Variants in TRPC4AP observed in about 807,000 individuals in gnomAD.
TRPC4AP encodes short transient receptor potential channel 4-associated protein.
TRPC4AP carries 45 observed loss-of-function variants against 99.0 expected under a neutral mutation model. The ratio of observed to expected loss-of-function variants is 0.45; its 90% CI spans 0.36 to 0.58. The LOEUF (loss-of-function observed/expected upper bound fraction) is 0.58. Ranked by LOEUF, TRPC4AP falls within the 20% of genes least tolerant of loss-of-function variation. The pLI is 0.00. For synonymous variants in TRPC4AP, 408 were observed against 385.8 expected, an observed-to-expected ratio of 1.06 and a Z score of -0.67; for missense variants, 879 against 985.3, an observed-to-expected ratio of 0.89 and a Z score of 1.44.
intron 8 of TRPC4AP, among the ~76,000 whole-genome samples, chr20:35,024,749 G>A (rs566825727): frequency 2.0e-5 from 3 of 147,762 alleles, no homozygotes; most frequent in Non-Finnish European, 4.4e-5. Flanking sequence ...GGATGGCTGA[G>A]CCTGGGAGGT....
At chr20:35,078,023 C>G in intron 2 of TRPC4AP, 23 bp downstream of exon 2, 1 of 1,593,082 alleles carries the variant, frequency 6.3e-7, no homozygotes, top group Non-Finnish European at 8.6e-7. Context: ...TGAATACGCC[C>G]CTCCAAGGTC....
intron 9 of TRPC4AP, among the ~76,000 whole-genome samples, chr20:35,018,957 G>A (rs1221189512): frequency 3.3e-5 from 5 of 152,182 alleles, no homozygotes; most frequent in African/African-American, 1.2e-4. Flanking sequence ...AAGCTACTCA[G>A]GGGGCACTAA....
chr20:35,028,690 G>A (rs543803075), intron 8 of TRPC4AP, among the ~76,000 whole-genome samples: 5 of 152,108 alleles, frequency 3.3e-5, no homozygotes, highest in Admixed American at 1.3e-4. Flanking sequence ...AGTCCTTGTT[G>A]GTATACAGTG....
chr20:35,057,409 C>CGTA (rs946026870), intron 4 of TRPC4AP, 105 bp downstream of exon 4: 1 of 895,138 alleles, frequency 1.1e-6, no homozygotes, highest in African/African-American at 1.7e-5. Context: ...AAGACATGTC[C>CGTA]TTACTATTAA....
chr20:35,046,772 C>A (rs192252134), intron 6 of TRPC4AP, among the ~76,000 whole-genome samples: 30 of 152,318 alleles, frequency 2.0e-4, no homozygotes, highest in Non-Finnish European at 4.1e-4. Flanking sequence ...TTGTAGCTCA[C>A]CAGTTCCTCT....
intron 6 of TRPC4AP, among the ~76,000 whole-genome samples, chr20:35,047,229 T>C (rs2083579906): frequency 6.6e-6 from 1 of 152,220 alleles, no homozygotes; most frequent in Non-Finnish European, 1.5e-5. Context: ...CACAACAAAA[T>C]GACTAGCTGT....
intron 2 of TRPC4AP, among the ~76,000 whole-genome samples, chr20:35,075,730 T>G (rs886417312): frequency 5.9e-5 from 9 of 152,352 alleles, no homozygotes; most frequent in African/African-American, 1.9e-4. Flanking sequence ...CTGACAATTA[T>G]GTGTCTTGGA....
chr20:35,078,296 T>C (rs1314150359), intron 1 of TRPC4AP, 122 bp from the exon 2 acceptor site: 5 of 996,426 alleles, frequency 5.0e-6, no homozygotes, highest in Non-Finnish European at 7.2e-6. Flanking sequence ...CTCTAAGCAC[T>C]ACTATAAAAA....
chr20:35,084,993 G>C (rs935795010), intron 1 of TRPC4AP, among the ~76,000 whole-genome samples: 15 of 152,150 alleles, frequency 9.9e-5, no homozygotes, highest in African/African-American at 3.4e-4. Context: ...GGAATCGAAT[G>C]TGTGAATTAA....
intron 12 of TRPC4AP, 134 bp downstream of exon 12, chr20:35,010,053 C>A (rs1449705257): frequency 3.0e-6 from 2 of 673,144 alleles, no homozygotes; most frequent in Non-Finnish European, 5.2e-6. Context: ...GCCTGGCACA[C>A]AGGAGCCCTC....
chr20:35,017,896 T>C (rs1301674387), intron 9 of TRPC4AP, among the ~76,000 whole-genome samples: 1 of 152,214 alleles, frequency 6.6e-6, no homozygotes, highest in Non-Finnish European at 1.5e-5. Context: ...CAGAATCTGT[T>C]AGACTGAGGC....
rs572141509 is a variant in TRPC4AP at position 35,002,521 on chromosome 20, G to C, written c.*625C>G. 328 of 248,816 alleles carry C rather than the reference G, an allele frequency of 1.3e-3. 1 individual carries two copies. The highest frequency in any genetic ancestry group is 6.0e-3 in the African/African-American group (270 of 44,916). 15.4% of individuals were successfully genotyped at this position (248,816 alleles called of 1,614,324 possible). On this transcript the variant is annotated 3_prime_UTR_variant, in exon 19 of 19. Transcript: ENST00000252015. ...GGCTCAGGCAGGAGCGGCTGCCTCA[G>C]GCAGAGGCAGGGCAGGCACAGCTGC...
intron 1 of TRPC4AP, among the ~76,000 whole-genome samples, chr20:35,082,339 A>G (rs1275485018): frequency 6.6e-6 from 1 of 152,210 alleles, no homozygotes; most frequent in Non-Finnish European, 1.5e-5. Context: ...GAACATTTGC[A>G]AAATGACCAG....
intron 8 of TRPC4AP, among the ~76,000 whole-genome samples, chr20:35,026,791 C>T (rs1351105757): frequency 6.6e-6 from 1 of 151,956 alleles, no homozygotes; most frequent in East Asian, 1.9e-4. Flanking sequence ...CACTTAAGTT[C>T]CTAAGTATTT....
Position 35,013,018 on chromosome 20 carries a change from C to T in TRPC4AP, c.1399G>A (p.Asp467Asn). 1 of 1,614,086 alleles carries T rather than the reference C, an allele frequency of 6.2e-7. No homozygotes were observed. The highest frequency in any genetic ancestry group is 8.5e-7 in the Non-Finnish European group (1 of 1,180,022). The change falls in exon 11 of 19, where the codon GAC becomes AAC. Residue 467 changes from aspartate (D) to asparagine (N), a missense_variant. Transcript: ENST00000252015. ...QFLRLLQSFSDHHENKYLLLN... is the reference protein window; with the variant it reads ...QFLRLLQSFSNHHENKYLLLN... ...CACTCTTGTACTTACTCGTGGTGGT[C>T]ACTGAAGCTCTGAAGAAGCCTCAAA...
intron 6 of TRPC4AP, among the ~76,000 whole-genome samples, chr20:35,045,466 G>A (rs1446977906): frequency 6.6e-6 from 1 of 152,078 alleles, no homozygotes; most frequent in African/African-American, 2.4e-5. Context: ...AAACTCCTAG[G>A]CCCAAGCAAT....
In TRPC4AP at chr20:35,092,786, C is replaced by T. The variant is rs561048073; in HGVS notation, c.-5G>A. ...CGCTACCGGCGCCGCCGCCATGTCTCCTCGTCGGACAAACAGGAAGCAAGC... is the reference window on the plus strand; with the variant it reads ...CGCTACCGGCGCCGCCGCCATGTCTTCTCGTCGGACAAACAGGAAGCAAGC... On this transcript the variant is annotated 5_prime_UTR_variant, in exon 1 of 19. Transcript: ENST00000252015. 3.5e-3 allele frequency: 5,290 copies of T among 1,527,060 alleles called. 36 individuals are homozygous for T. Among genetic ancestry groups the T allele is most frequent in the South Asian group, 0.013 (1,045 of 83,356 alleles). 94.6% of individuals were successfully genotyped at this position (1,527,060 alleles called of 1,614,324 possible).
At chr20:35,026,066 C>A (rs562651777) in intron 8 of TRPC4AP, among the ~76,000 whole-genome samples, 2 of 152,262 alleles carry the variant, frequency 1.3e-5, no homozygotes, top group African/African-American at 4.8e-5. Context: ...TTGGTACCCA[C>A]TGAAAATCAA....
At chr20:35,022,691 A>T (rs1284428471) in intron 8 of TRPC4AP, among the ~76,000 whole-genome samples, 1 of 152,162 alleles carries the variant, frequency 6.6e-6, no homozygotes. Flanking sequence ...TACAGAAAAC[A>T]CAGTGATACT....
Sources: allele counts gnomAD v4.1 joint callset (sites outside exome capture counted in the v4.1 genomes callset), GRCh38; gene constraint gnomAD v4.1.1; transcripts MANE v1.5; gene names NCBI Gene and HGNC (gene_info 2026-07-23, HGNC 2026-07-21).